Variants in NRXN3 observed in about 807,000 individuals in gnomAD.
NRXN3 encodes the protein neurexin III.
NRXN3 carries 32 observed loss-of-function variants against 137.6 expected under a neutral mutation model. The ratio of observed to expected loss-of-function variants is 0.23; its 90% CI spans 0.18 to 0.31. The LOEUF (loss-of-function observed/expected upper bound fraction) is 0.31, where lower values mean the gene tolerates loss of function less well. Ranked by LOEUF, NRXN3 falls within the 10% of genes least tolerant of loss-of-function variation. The pLI, the probability that NRXN3 is intolerant of heterozygous loss-of-function variation, is 1.00. For synonymous variants in NRXN3, 798 were observed against 784.5 expected, an observed-to-expected ratio of 1.02 and a Z score of -0.29; for missense variants, 1,574 against 2,062.5, an observed-to-expected ratio of 0.76 and a Z score of 4.59.
At chr14:79,436,177 G>T (rs113813768) in intron 15 of NRXN3, among the ~76,000 whole-genome samples, 1 of 152,048 alleles carries the variant, frequency 6.6e-6, no homozygotes, top group East Asian at 1.9e-4. Context: ...GGAATAAAGG[G>T]CCTTTATAAT....
At chr14:79,855,980 C>G (rs1603620068) in intron 20 of NRXN3, among the ~76,000 whole-genome samples, 1 of 152,144 alleles carries the variant, frequency 6.6e-6, no homozygotes, top group East Asian at 1.9e-4. Flanking sequence ...TCTTAATAAG[C>G]AAATGAAACA....
At chr14:78,997,658 T>C (rs1375739709) in intron 15 of NRXN3, among the ~76,000 whole-genome samples, 1 of 152,170 alleles carries the variant, frequency 6.6e-6, no homozygotes, top group Non-Finnish European at 1.5e-5. Flanking sequence ...AGAGATCATT[T>C]TTTGAAGGTG....
intron 15 of NRXN3, among the ~76,000 whole-genome samples, chr14:78,992,936 T>C (rs1478215158): frequency 6.6e-6 from 1 of 152,170 alleles, no homozygotes; most frequent in African/African-American, 2.4e-5. Context: ...GGAATGAACG[T>C]GGGTCCTCAG....
chr14:78,541,762 C>T (rs191672657), intron 4 of NRXN3, among the ~76,000 whole-genome samples: 18 of 152,284 alleles, frequency 1.2e-4, no homozygotes, highest in Admixed American at 1.1e-3. Context: ...TTCATCCCAC[C>T]TTTGGTCTTT....
In NRXN3 at chr14:78,803,774, C is replaced by A; in HGVS notation, c.2199C>A (p.Thr733=). 6.2e-7 allele frequency: 1 copy of A among 1,614,028 alleles called. No homozygotes were observed. The highest frequency in any genetic ancestry group is 8.5e-7 in the Non-Finnish European group (1 of 1,180,002). Residue 733 remains threonine, a synonymous_variant, in exon 9 of 21, where the codon ACC becomes ACA. Coordinates refer to ENST00000335750, the MANE Select transcript of NRXN3 (RefSeq NM_001330195.2). ...VATTSRDSAD[T]LRLELDGGRV... is the part of the protein sequence containing the mutation. ...CGACCTCCAGGGACTCTGCCGACACCCTGCGTCTGGAGCTGGATGGGGGGC... is the reference window on the plus strand; with the variant it reads ...CGACCTCCAGGGACTCTGCCGACACACTGCGTCTGGAGCTGGATGGGGGGC...
intron 10 of NRXN3, among the ~76,000 whole-genome samples, chr14:78,870,401 C>T (rs2099098372): frequency 6.6e-6 from 1 of 152,062 alleles, no homozygotes; most frequent in Non-Finnish European, 1.5e-5. Flanking sequence ...ATTATGAATA[C>T]ATTCCAGTTG....
chr14:79,084,839 C>A (rs2047788210), intron 15 of NRXN3, among the ~76,000 whole-genome samples: 1 of 152,138 alleles, frequency 6.6e-6, no homozygotes, highest in African/African-American at 2.4e-5. Flanking sequence ...CTGGTTTAAA[C>A]CCCTTGTGGC....
intron 15 of NRXN3, among the ~76,000 whole-genome samples, chr14:79,169,965 A>T (rs766025): frequency 6.6e-6 from 1 of 152,124 alleles, no homozygotes; most frequent in Admixed American, 6.6e-5. Context: ...CAACAAGTCA[A>T]TGACCTAAGC....
At chr14:78,952,474 G>A (rs1333395713) in intron 10 of NRXN3, among the ~76,000 whole-genome samples, 1 of 152,078 alleles carries the variant, frequency 6.6e-6, no homozygotes, top group African/African-American at 2.4e-5. Flanking sequence ...TGTTTTGTCT[G>A]GGGAGGATGC....
At chr14:78,997,109 C>T (rs1346790764) in intron 15 of NRXN3, among the ~76,000 whole-genome samples, 3 of 152,128 alleles carry the variant, frequency 2.0e-5, no homozygotes, top group Non-Finnish European at 2.9e-5. Context: ...GCCAGGACTG[C>T]GTGCAGCTTT....
In NRXN3 at chr14:79,717,475, C is replaced by A. The variant is rs188841808; in HGVS notation, c.4014+19538C>A. The stretch of plus-strand genomic sequence containing the variant: ...TTTGTAGTAAGATCTTCAGGAAAAG[C>A]AATCAGTGAGAGACTGGGTCAGGCT... On this transcript the variant is annotated intron_variant, in intron 19 of 20. Coordinates refer to ENST00000335750, the MANE Select transcript of NRXN3 (RefSeq NM_001330195.2). Among the ~76,000 whole-genome samples the A allele has an allele frequency of 3.9e-5, 6 of 152,298 alleles. No individual in the cohort carries two copies. The East Asian group carries it at 1.2e-3, about 29-fold the overall frequency.
At chr14:78,561,398 T>A (rs1014732234) in intron 4 of NRXN3, among the ~76,000 whole-genome samples, 1 of 152,196 alleles carries the variant, frequency 6.6e-6, no homozygotes, top group Admixed American at 6.5e-5. Flanking sequence ...GATACTTTGA[T>A]AGATCTCAGA....
At chr14:79,513,352 A>G (rs1170665009) in intron 16 of NRXN3, among the ~76,000 whole-genome samples, 1 of 152,154 alleles carries the variant, frequency 6.6e-6, no homozygotes, top group African/African-American at 2.4e-5. Flanking sequence ...TGGTGCATTC[A>G]GGACAGGAAT....
At chr14:78,936,715 A>G (rs1470204298) in intron 10 of NRXN3, among the ~76,000 whole-genome samples, 1 of 152,194 alleles carries the variant, frequency 6.6e-6, no homozygotes, top group East Asian at 1.9e-4. Flanking sequence ...AACATGGAAA[A>G]CATTCAGCAT....
chr14:79,234,295 T>TATAC (rs2072826832), intron 15 of NRXN3, among the ~76,000 whole-genome samples: 2 of 4,292 alleles, frequency 4.7e-4, no homozygotes, highest in East Asian at 6.3e-3. Context: ...CAATGGTAAA[T>TATAC]ATATATATAT....
At chr14:78,561,393 TTTGA>T (rs2096784779) in intron 4 of NRXN3, among the ~76,000 whole-genome samples, 1 of 152,190 alleles carries the variant, frequency 6.6e-6, no homozygotes, top group African/African-American at 2.4e-5. Context: ...ATGGTGATAC[TTTGA>T]TAGATCTCAG....
At chr14:79,124,415 A>G (rs1287506164) in intron 15 of NRXN3, among the ~76,000 whole-genome samples, 1 of 152,122 alleles carries the variant, frequency 6.6e-6, no homozygotes, top group East Asian at 1.9e-4. Context: ...TACAGTCTTT[A>G]TTATTTAATC....
At chr14:78,561,484 C>T (rs72683532) in intron 4 of NRXN3, among the ~76,000 whole-genome samples, 9,424 of 152,198 alleles carry the variant, frequency 0.062, 361 homozygotes, top group East Asian at 0.13. Context: ...GTAAGTATCT[C>T]AGAGGAGATT....
intron 4 of NRXN3, among the ~76,000 whole-genome samples, chr14:78,613,146 C>G (rs1444277113): frequency 6.6e-6 from 1 of 151,720 alleles, no homozygotes; most frequent in African/African-American, 2.4e-5. Context: ...CCTCTGACTC[C>G]TTTAACTTGT....
Sources: gnomAD v4.1 joint callset for allele counts (sites outside exome capture counted in the v4.1 genomes callset) on GRCh38, gnomAD v4.1.1 for gene constraint, MANE v1.5 for transcripts, NCBI Gene and HGNC (gene_info 2026-07-23, HGNC 2026-07-21) for gene names.